Variants in TNNI3 observed in about 807,000 individuals in gnomAD.
TNNI3 encodes the protein troponin I3, cardiac type.
A neutral mutation model predicts 31.5 loss-of-function variants in TNNI3; 23 were observed. The ratio of observed to expected loss-of-function variants is 0.73; its 90% CI spans 0.52 to 1.03. The LOEUF is 1.03. TNNI3 is among the 50% of genes least tolerant of loss of function. The pLI is 0.00. For missense variants in TNNI3, 236 were observed against 282.9 expected (o/e 0.83, Z 1.19); for synonymous variants, 120 against 111.7 (o/e 1.07, Z -0.47).
intron 7 of TNNI3, among the ~76,000 whole-genome samples, chr19:55,153,731 C>CA (rs60013031): frequency 0.015 from 280 of 18,566 alleles, 1 homozygote; most frequent in Middle Eastern, 0.036. Flanking sequence ...GACTCCATCG[C>CA]AAAAAAAAAA....
Position 55,156,330 on chromosome 19 carries a change from A to G in TNNI3, c.153T>C (p.Thr51=). 9 of 1,608,444 alleles carry G rather than the reference A, an allele frequency of 5.6e-6. No individual in the cohort carries two copies. The highest frequency in any genetic ancestry group is 7.6e-6 in the Non-Finnish European group (9 of 1,178,278). ...ISASRKLQLK[T]LLLQIAKQEL... ...CTTGCTTTGCAATCTGCAGCAGCAGAGTCTGCAGAGGGGTGGGAGGGAAGC... is the reference window on the plus strand; with the variant it reads ...CTTGCTTTGCAATCTGCAGCAGCAGGGTCTGCAGAGGGGTGGGAGGGAAGC... The change falls in exon 5 of 8, where the codon ACT becomes ACC. Residue 51 remains threonine (T), a splice_region_variant and synonymous_variant. Transcript: ENST00000344887. This position sits in a 1 kb window ranked among gnomAD's most constrained non-coding sequence, Gnocchi z 4.6.
At position 55,157,390 on chromosome 19, in the gene TNNI3, C is replaced by T. The variant is rs1171618118; in HGVS notation, c.12-82G>A. On this transcript the variant is annotated intron_variant, in intron 1 of 7. Coordinates refer to ENST00000344887, the MANE Select transcript of TNNI3 (RefSeq NM_000363.5). The surrounding 1 kb of genome is among the most constrained non-coding windows in gnomAD (Gnocchi z 6.3). The stretch of plus-strand genomic sequence containing the variant: ...AGGGACCCCTGGAGTCCCCTCTGAA[C>T]AAGAGGTCGGGGGACCGCGCTTCCC... The T allele has an allele frequency of 6.2e-7, 1 of 1,607,660 alleles. No homozygotes were observed. The highest frequency in any genetic ancestry group is 8.5e-7 in the Non-Finnish European group (1 of 1,175,948).
chr19:55,153,930 A>G, intron 7 of TNNI3, 100 bp downstream of exon 7: 1 of 1,395,558 alleles, frequency 7.2e-7, no homozygotes, highest in Non-Finnish European at 1.0e-6. Context: ...AGCTGCTTCT[A>G]CCTCCAACTC....
chr19:55,152,594 G>A lies in TNNI3; in HGVS notation c.550-677C>T, dbSNP rs1487141795. Among the ~76,000 whole-genome samples the A allele has an allele frequency of 1.3e-5, 2 of 152,166 alleles. No individual in the cohort carries two copies. Among genetic ancestry groups the A allele is most frequent in the Admixed American group, 6.5e-5 (1 of 15,278 alleles). On this transcript the variant is annotated intron_variant, in intron 7 of 7. Coordinates refer to ENST00000344887, the MANE Select transcript of TNNI3 (RefSeq NM_000363.5). This position sits in a 1 kb window ranked among gnomAD's most constrained non-coding sequence, Gnocchi z 4.0. ...TTTGAGAAAGAGACCACATTCATGA[G>A]TTTTATTACAATCTGTTATAATTGT...
Position 55,157,530 on chromosome 19 carries a change from G to A in TNNI3, c.11+49C>T. 1 of 1,611,422 alleles carries A rather than the reference G, an allele frequency of 6.2e-7. No individual in the cohort carries two copies. The highest frequency in any genetic ancestry group is 8.5e-7 in the Non-Finnish European group (1 of 1,178,128). ...GCCTCTCAGCTGCGACCCCTCTTGG[G>A]AACCCGGGAGGTCGCCCCCAACTCC... On this transcript the variant is annotated intron_variant, in intron 1 of 7. Coordinates refer to ENST00000344887, the MANE Select transcript of TNNI3 (RefSeq NM_000363.5). The surrounding 1 kb of genome is among the most constrained non-coding windows in gnomAD (Gnocchi z 6.3).
In TNNI3 at chr19:55,156,461, C is replaced by G. The variant is rs544623492; in HGVS notation, c.151-129G>C. 2.5e-5 allele frequency: 37 copies of G among 1,499,688 alleles called. No individual in the cohort carries two copies. In the African/African-American group the frequency reaches 2.5e-4, roughly 10 times the overall value. 92.9% of individuals were successfully genotyped at this position (1,499,688 alleles called of 1,614,324 possible). A position where few individuals can be genotyped will look rare whatever the true frequency, so the allele number is the denominator to read the frequency against. ...ACTGTTCCAAGGCCCCGTCCCACCC[C>G]GAGCAGTACTCCCCGCTAAAGCCAC... On this transcript the variant is annotated intron_variant, in intron 4 of 7. Coordinates refer to ENST00000344887, the MANE Select transcript of TNNI3 (RefSeq NM_000363.5). This position sits in a 1 kb window ranked among gnomAD's most constrained non-coding sequence, Gnocchi z 4.6.
Position 55,156,973 on chromosome 19 carries a change from C to T in TNNI3, c.108+77G>A. The stretch of plus-strand genomic sequence containing the variant: ...GCGTAGTCCCCGCCCCCTTCGCAGC[C>T]CTGGCTCCTCCCCCCACTCCCAGGG... On this transcript the variant is annotated intron_variant, in intron 3 of 7. Transcript: ENST00000344887. The surrounding 1 kb of genome is among the most constrained non-coding windows in gnomAD (Gnocchi z 4.6). The T allele has an allele frequency of 6.7e-7, 1 of 1,487,638 alleles. No individual in the cohort carries two copies. The highest frequency in any genetic ancestry group is 1.2e-5 in the South Asian group (1 of 82,986). 92.2% of individuals were successfully genotyped at this position (1,487,638 alleles called of 1,614,324 possible). A position where few individuals can be genotyped will look rare whatever the true frequency, so the allele number is the denominator to read the frequency against.
At chr19:55,154,321 C>T (rs2288529) in intron 6 of TNNI3, 115 bp from the exon 7 acceptor site, 1 of 1,109,366 alleles carries the variant, frequency 9.0e-7, no homozygotes, top group African/African-American at 1.5e-5. Flanking sequence ...CGAGGCCTTA[C>T]CAGTCTCTTC....
At position 55,154,210 on chromosome 19, in the gene TNNI3, G is replaced by C. The variant is rs2288530; in HGVS notation, c.373-4C>G. ...TCTTCTGAGTCAGATCTGCAATCTG[G>C]GGGCACACGAGGGGGTGGGTACTTC... On this transcript the variant is annotated splice_region_variant and splice_polypyrimidine_tract_variant and intron_variant, in intron 6 of 7. Transcript: ENST00000344887. The C allele has an allele frequency of 6.8e-5, 109 of 1,611,032 alleles. No homozygotes were observed. In the East Asian group the frequency reaches 2.3e-3, roughly 34 times the overall value.
At position 55,156,486 on chromosome 19, in the gene TNNI3, C is replaced by A; in HGVS notation, c.150+117G>T. ...CGAGCAGTACTCCCCGCTAAAGCCA[C>A]GCCCCGAGCGGCCAAACCCCGCCCA... On this transcript the variant is annotated intron_variant, in intron 4 of 7. Transcript: ENST00000344887. The surrounding 1 kb of genome is among the most constrained non-coding windows in gnomAD (Gnocchi z 4.6). 1 of 1,508,854 alleles carries A rather than the reference C, an allele frequency of 6.6e-7. No individual in the cohort carries two copies. Among genetic ancestry groups the A allele is most frequent in the Non-Finnish European group, 9.0e-7 (1 of 1,113,786 alleles). 93.5% of individuals were successfully genotyped at this position (1,508,854 alleles called of 1,614,324 possible).
In TNNI3 at chr19:55,157,526, T is replaced by C; in HGVS notation, c.11+53A>G. On this transcript the variant is annotated intron_variant, in intron 1 of 7. Coordinates refer to ENST00000344887, the MANE Select transcript of TNNI3 (RefSeq NM_000363.5). This position sits in a 1 kb window ranked among gnomAD's most constrained non-coding sequence, Gnocchi z 6.3. ...TCCAGCCTCTCAGCTGCGACCCCTC[T>C]TGGGAACCCGGGAGGTCGCCCCCAA... 9 of 1,611,140 alleles carry C rather than the reference T, an allele frequency of 5.6e-6. No individual in the cohort carries two copies. The highest frequency in any genetic ancestry group is 1.3e-5 in the African/African-American group (1 of 74,982).
At position 55,156,577 on chromosome 19, in the gene TNNI3, T is replaced by G. The variant is rs1011433200; in HGVS notation, c.150+26A>C. 4 of 1,554,114 alleles carry G rather than the reference T, an allele frequency of 2.6e-6. No individual in the cohort carries two copies. Among genetic ancestry groups the G allele is most frequent in the Non-Finnish European group, 3.5e-6 (4 of 1,148,896 alleles). On this transcript the variant is annotated intron_variant, in intron 4 of 7. Coordinates refer to ENST00000344887, the MANE Select transcript of TNNI3 (RefSeq NM_000363.5). This position sits in a 1 kb window ranked among gnomAD's most constrained non-coding sequence, Gnocchi z 4.6. ...CTCCGCCCCCTGAGCACCTGCCTGC[T>G]CTTTCCCAGTCCCGCCCGTCCTCAC...
At position 55,152,842 on chromosome 19, in the gene TNNI3, TG is replaced by T. The variant is rs1350869623; in HGVS notation, c.550-926del. ...TGAGATGGAGTCTCCCAGTGTTGCC[TG>T]GGCTGGAGTGCAGTGGTGAGATCTC... On this transcript the variant is annotated intron_variant, in intron 7 of 7. Transcript: ENST00000344887. This position sits in a 1 kb window ranked among gnomAD's most constrained non-coding sequence, Gnocchi z 4.0. Among the ~76,000 whole-genome samples the T allele has an allele frequency of 6.6e-6, 1 of 151,974 alleles. No homozygotes were observed. Among genetic ancestry groups the T allele is most frequent in the Non-Finnish European group, 1.5e-5 (1 of 67,992 alleles).
In TNNI3 at chr19:55,157,382, C is replaced by G; in HGVS notation, c.12-74G>C. On this transcript the variant is annotated intron_variant, in intron 1 of 7. Transcript: ENST00000344887. This position sits in a 1 kb window ranked among gnomAD's most constrained non-coding sequence, Gnocchi z 6.3. ...GTCTCCTAAGGGACCCCTGGAGTCC[C>G]CTCTGAACAAGAGGTCGGGGGACCG... 1 of 1,609,544 alleles carries G rather than the reference C, an allele frequency of 6.2e-7. No individual in the cohort carries two copies. Among genetic ancestry groups the G allele is most frequent in the Non-Finnish European group, 8.5e-7 (1 of 1,177,494 alleles).
Position 55,156,361 on chromosome 19 carries a change from C to T in TNNI3, c.151-29G>A. 6.3e-7 allele frequency: 1 copy of T among 1,599,364 alleles called. No homozygotes were observed. Reference sequence around the variant, plus strand: ...CAGAGGGGTGGGAGGGAAGCGCAGCCCACCCGGGGCTTCAGGATAAAGACC... The same window carrying T: ...CAGAGGGGTGGGAGGGAAGCGCAGCTCACCCGGGGCTTCAGGATAAAGACC... On this transcript the variant is annotated intron_variant, in intron 4 of 7. Coordinates refer to ENST00000344887, the MANE Select transcript of TNNI3 (RefSeq NM_000363.5). This position sits in a 1 kb window ranked among gnomAD's most constrained non-coding sequence, Gnocchi z 4.6.
Position 55,156,441 on chromosome 19 carries a change from TC to T in TNNI3, c.151-110del. On this transcript the variant is annotated intron_variant, in intron 4 of 7. Transcript: ENST00000344887. This position sits in a 1 kb window ranked among gnomAD's most constrained non-coding sequence, Gnocchi z 4.6. ...AACCCTCCAGTTTGGTCTCCACTGTTCCAAGGCCCCGTCCCACCCCGAGCAG... is the reference window on the plus strand; with the variant it reads ...AACCCTCCAGTTTGGTCTCCACTGTTCAAGGCCCCGTCCCACCCCGAGCAG... The T allele has an allele frequency of 6.6e-7, 1 of 1,515,040 alleles. No individual in the cohort carries two copies. Among genetic ancestry groups the T allele is most frequent in the Non-Finnish European group, 8.9e-7 (1 of 1,123,800 alleles). 93.8% of individuals were successfully genotyped at this position (1,515,040 alleles called of 1,614,324 possible).
At position 55,156,961 on chromosome 19, in the gene TNNI3, C is replaced by T; in HGVS notation, c.108+89G>A. The T allele has an allele frequency of 7.1e-7, 1 of 1,415,054 alleles. No homozygotes were observed. Among genetic ancestry groups the T allele is most frequent in the East Asian group, 2.5e-5 (1 of 40,532 alleles). 87.7% of individuals were successfully genotyped at this position (1,415,054 alleles called of 1,614,324 possible). A position where few individuals can be genotyped will look rare whatever the true frequency, so the allele number is the denominator to read the frequency against. On this transcript the variant is annotated intron_variant, in intron 3 of 7. Coordinates refer to ENST00000344887, the MANE Select transcript of TNNI3 (RefSeq NM_000363.5). The surrounding 1 kb of genome is among the most constrained non-coding windows in gnomAD (Gnocchi z 4.6). Reference sequence around the variant, plus strand: ...TGAAGCCCCTCCGCGTAGTCCCCGCCCCCTTCGCAGCCCTGGCTCCTCCCC... The same window carrying T: ...TGAAGCCCCTCCGCGTAGTCCCCGCTCCCTTCGCAGCCCTGGCTCCTCCCC...
In TNNI3 at chr19:55,157,642, G is replaced by T. The variant is rs1452064724; in HGVS notation, c.-53C>A. ...AGGCAGGGCGAGGACAGGGGCGTTT[G>T]GAGGGTCAGTGAGGGGGCCGCCCGG... On this transcript the variant is annotated 5_prime_UTR_variant, in exon 1 of 8. Transcript: ENST00000344887. The surrounding 1 kb of genome is among the most constrained non-coding windows in gnomAD (Gnocchi z 6.3). The T allele has an allele frequency of 6.2e-7, 1 of 1,612,550 alleles. No homozygotes were observed. Among genetic ancestry groups the T allele is most frequent in the East Asian group, 2.2e-5 (1 of 44,880 alleles).
Position 55,156,540 on chromosome 19 carries a change from C to G in TNNI3, c.150+63G>C. The G allele has an allele frequency of 6.5e-7, 1 of 1,545,466 alleles. No individual in the cohort carries two copies. Among genetic ancestry groups the G allele is most frequent in the Non-Finnish European group, 8.8e-7 (1 of 1,141,932 alleles). On this transcript the variant is annotated intron_variant, in intron 4 of 7. Transcript: ENST00000344887. The surrounding 1 kb of genome is among the most constrained non-coding windows in gnomAD (Gnocchi z 4.6). ...CCGCCCACCTACCCCGAAAGCCCCACCCATTCTCAAGCTCCGCCCCCTGAG... is the reference window on the plus strand; with the variant it reads ...CCGCCCACCTACCCCGAAAGCCCCAGCCATTCTCAAGCTCCGCCCCCTGAG...
Sources: allele counts gnomAD v4.1 joint callset (sites outside exome capture counted in the v4.1 genomes callset), GRCh38; gene constraint gnomAD v4.1.1; non-coding constraint Gnocchi (gnomAD v3.1); transcripts MANE v1.5; gene names NCBI Gene and HGNC (gene_info 2026-07-23, HGNC 2026-07-21).